Variants in RIPOR2 observed in about 807,000 individuals in gnomAD.
RIPOR2 encodes RHO family interacting cell polarization regulator 2, also known as rho family-interacting cell polarization regulator 2.
A neutral mutation model predicts 114.5 loss-of-function variants in RIPOR2; 39 were observed. That is an observed-to-expected ratio of 0.34 (90% CI 0.26 to 0.44). RIPOR2 has a LOEUF of 0.44. RIPOR2 is among the 20% of genes least tolerant of loss of function. RIPOR2 has a pLI of 1.00. For missense variants in RIPOR2, 1,007 were observed against 1,255.1 expected (o/e 0.80, Z 2.99); for synonymous variants, 445 against 484.4 (o/e 0.92, Z 1.07).
chr6:24,828,017 G>A (rs1246320751), intron 18 of RIPOR2, 120 bp downstream of exon 18: 1 of 821,408 alleles, frequency 1.2e-6, no homozygotes, highest in Non-Finnish European at 1.7e-6. Context: ...AAGGCAAATT[G>A]CACCTCTACT....
chr6:24,892,372 G>A (rs1160026359), intron 1 of RIPOR2, among the ~76,000 whole-genome samples: 2 of 152,152 alleles, frequency 1.3e-5, no homozygotes, highest in Non-Finnish European at 2.9e-5. Flanking sequence ...CTGGGCTCAA[G>A]TGATTCTCTC....
intron 12 of RIPOR2, 144 bp from the exon 13 acceptor site, chr6:24,843,698 CGTGTGTGTGTGTGTGTGTGT>C (rs34540028): frequency 1.1e-4 from 41 of 368,244 alleles, no homozygotes; most frequent in African/African-American, 3.9e-4. Flanking sequence ...TTGTTGATGC[CGTGTGTGTGTGTGTGTGTGT>C]GTGTGTGTGT....
chr6:25,038,802 TGTG>T (rs1360177282), intron 1 of RIPOR2, among the ~76,000 whole-genome samples: 3 of 152,232 alleles, frequency 2.0e-5, no homozygotes, highest in African/African-American at 7.2e-5. Context: ...GCAATAAACT[TGTG>T]GTAATTTGTT....
At chr6:25,010,811 A>G (rs980658175) in intron 1 of RIPOR2, among the ~76,000 whole-genome samples, 2 of 152,194 alleles carry the variant, frequency 1.3e-5, no homozygotes, top group Non-Finnish European at 2.9e-5. Flanking sequence ...ACTAGACAGG[A>G]TGAGATACAA....
At chr6:24,874,082 G>A (rs537334203) in intron 2 of RIPOR2, among the ~76,000 whole-genome samples, 1 of 152,244 alleles carries the variant, frequency 6.6e-6, no homozygotes, top group Non-Finnish European at 1.5e-5. Context: ...CCAGGGCAAA[G>A]TGCAGTGGTC....
At chr6:25,030,150 C>T (rs143704936) in intron 1 of RIPOR2, among the ~76,000 whole-genome samples, 124 of 151,970 alleles carry the variant, frequency 8.2e-4, no homozygotes, top group African/African-American at 2.9e-3. Context: ...GGCTGCAGGT[C>T]TTAAATGGGG....
At chr6:24,976,093 T>A (rs145229678) in intron 1 of RIPOR2, among the ~76,000 whole-genome samples, 484 of 152,336 alleles carry the variant, frequency 3.2e-3, no homozygotes, top group African/African-American at 9.6e-3. Context: ...CCTTTTTGGA[T>A]GTCATATTAG....
intron 1 of RIPOR2, among the ~76,000 whole-genome samples, chr6:24,951,179 A>C (rs1011612911): frequency 1.3e-5 from 2 of 152,210 alleles, no homozygotes; most frequent in Non-Finnish European, 2.9e-5. Flanking sequence ...CACAGGTGTC[A>C]GGGTGATCGG....
At chr6:24,882,765 A>G (rs1488429710) in intron 1 of RIPOR2, among the ~76,000 whole-genome samples, 1 of 152,122 alleles carries the variant, frequency 6.6e-6, no homozygotes, top group African/African-American at 2.4e-5. Context: ...TGCTTTTTCT[A>G]TCGGATTCTT....
chr6:24,817,974 C>CTTTTTTTTT (rs1240119674), intron 20 of RIPOR2, among the ~76,000 whole-genome samples: 4 of 31,794 alleles, frequency 1.3e-4, no homozygotes, highest in Admixed American at 4.4e-4. Context: ...TTCTCTCTCT[C>CTTTTTTTTT]TCTCTTTTTT....
intron 1 of RIPOR2, among the ~76,000 whole-genome samples, chr6:24,882,740 C>T (rs921672632): frequency 6.6e-6 from 1 of 152,136 alleles, no homozygotes; most frequent in Non-Finnish European, 1.5e-5. Context: ...ATATTGCATG[C>T]AAAATTTTGT....
chr6:25,038,524 G>T (rs1340107264), intron 1 of RIPOR2, among the ~76,000 whole-genome samples: 1 of 152,210 alleles, frequency 6.6e-6, no homozygotes, highest in Non-Finnish European at 1.5e-5. Flanking sequence ...ACCCTTGTTG[G>T]CCTTGAGGAA....
At chr6:25,003,875 C>T (rs1487077836) in intron 1 of RIPOR2, among the ~76,000 whole-genome samples, 3 of 152,088 alleles carry the variant, frequency 2.0e-5, no homozygotes, top group Admixed American at 6.6e-5. Context: ...TTTTTGAATT[C>T]GTATGTTAAA....
At chr6:25,007,912 G>C (rs1041649898) in intron 1 of RIPOR2, among the ~76,000 whole-genome samples, 2 of 151,508 alleles carry the variant, frequency 1.3e-5, no homozygotes, top group African/African-American at 4.9e-5. Context: ...GTTTGCCCCC[G>C]ACCTCTATTT....
In RIPOR2 at chr6:24,817,927, A is replaced by C. The variant is rs537744089; in HGVS notation, c.2952+615T>G. Among the ~76,000 whole-genome samples the C allele has an allele frequency of 3.3e-5, 5 of 149,282 alleles. No homozygotes were observed. The South Asian group carries it at 8.5e-4, about 25-fold the overall frequency. On this transcript the variant is annotated intron_variant, in intron 20 of 21. Coordinates refer to ENST00000643898, the MANE Select transcript of RIPOR2 (RefSeq NM_001286445.3). Reference sequence around the variant, plus strand: ...ATAAAAATGAGTGAAATCACCATACATCTCATCTCCCTTTTAAAATAAGAT... The same window carrying C: ...ATAAAAATGAGTGAAATCACCATACCTCTCATCTCCCTTTTAAAATAAGAT...
chr6:24,969,052 T>C (rs1420019297), intron 1 of RIPOR2, among the ~76,000 whole-genome samples: 2 of 152,188 alleles, frequency 1.3e-5, no homozygotes, highest in East Asian at 3.8e-4. Context: ...ATAAAGTGCT[T>C]GTGAAAAAGC....
chr6:24,983,482 C>T (rs1774388715), intron 1 of RIPOR2, among the ~76,000 whole-genome samples: 2 of 152,072 alleles, frequency 1.3e-5, no homozygotes. Flanking sequence ...TGAGGCCAGG[C>T]GCGGTGGCTT....
intron 1 of RIPOR2, among the ~76,000 whole-genome samples, chr6:25,020,246 G>A (rs1776252973): frequency 6.6e-6 from 1 of 152,120 alleles, no homozygotes; most frequent in Non-Finnish European, 1.5e-5. Context: ...CTCCTTATGT[G>A]TTAGTGAAAA....
At chr6:24,908,210 T>C (rs1769185322) in intron 1 of RIPOR2, among the ~76,000 whole-genome samples, 1 of 152,196 alleles carries the variant, frequency 6.6e-6, no homozygotes. Flanking sequence ...GGGGCACCCA[T>C]TGTGTAAATA....
Sources: gnomAD v4.1 joint callset for allele counts (sites outside exome capture counted in the v4.1 genomes callset) on GRCh38, gnomAD v4.1.1 for gene constraint, MANE v1.5 for transcripts, NCBI Gene and HGNC (gene_info 2026-07-23, HGNC 2026-07-21) for gene names.